Variants in GRIK3 observed in about 807,000 individuals in gnomAD.
GRIK3 encodes the protein glutamate ionotropic receptor kainate type subunit 3.
GRIK3 carries 29 observed loss-of-function variants against 102.5 expected under a neutral mutation model. The observed-to-expected ratio is 0.28, with a 90% confidence interval of 0.21 to 0.39. The LOEUF (loss-of-function observed/expected upper bound fraction) is 0.39. Ranked by LOEUF, GRIK3 falls within the 10% of genes least tolerant of loss-of-function variation. The pLI, the probability that GRIK3 is intolerant of heterozygous loss-of-function variation, is 1.00. For missense variants in GRIK3, 908 were observed against 1,252.4 expected (o/e 0.73, Z 4.15); for synonymous variants, 511 against 504.9 (o/e 1.01, Z -0.16).
chr1:37,004,714 G>A (rs1318798618), intron 1 of GRIK3, among the ~76,000 whole-genome samples: 1 of 152,246 alleles, frequency 6.6e-6, no homozygotes, highest in Non-Finnish European at 1.5e-5. Context: ...CAATGGAAGA[G>A]ATGGCACATG....
At chr1:36,861,609 T>C (rs1251492796) in intron 5 of GRIK3, among the ~76,000 whole-genome samples, 1 of 152,240 alleles carries the variant, frequency 6.6e-6, no homozygotes, top group Non-Finnish European at 1.5e-5. Flanking sequence ...CCTTTCATGC[T>C]GGACTGGCTT....
chr1:36,817,818 C>A (rs1642647806), intron 12 of GRIK3, among the ~76,000 whole-genome samples: 1 of 152,160 alleles, frequency 6.6e-6, no homozygotes, highest in Non-Finnish European at 1.5e-5. Flanking sequence ...CACATAAATA[C>A]TGTGGTGCTG....
chr1:36,880,573 G>C lies in GRIK3; in HGVS notation c.550+61C>G, dbSNP rs2124262737. 14 of 1,524,774 alleles carry C rather than the reference G, an allele frequency of 9.2e-6. No individual in the cohort carries two copies. Among genetic ancestry groups the C allele is most frequent in the Non-Finnish European group, 1.2e-5 (13 of 1,104,234 alleles). 94.5% of individuals were successfully genotyped at this position (1,524,774 alleles called of 1,614,324 possible). On this transcript the variant is annotated intron_variant, in intron 3 of 15. Coordinates refer to ENST00000373091, the MANE Select transcript of GRIK3 (RefSeq NM_000831.4). The surrounding 1 kb of genome is among the most constrained non-coding windows in gnomAD (Gnocchi z 5.4). Reference sequence around the variant, plus strand: ...GTGCTGAACAAACAGACAAGAGCTTGATCCTGGGCCTCTGCCCCCCTCAAC... The same window carrying C: ...GTGCTGAACAAACAGACAAGAGCTTCATCCTGGGCCTCTGCCCCCCTCAAC...
At chr1:36,803,268 A>G (rs1467268550) in intron 15 of GRIK3, among the ~76,000 whole-genome samples, 5 of 152,104 alleles carry the variant, frequency 3.3e-5, no homozygotes, top group Admixed American at 1.3e-4. Flanking sequence ...CAGCATGTGC[A>G]AAGGGCCTAA....
chr1:36,815,392 T>A (rs1642615606), intron 13 of GRIK3, among the ~76,000 whole-genome samples: 1 of 152,136 alleles, frequency 6.6e-6, no homozygotes, highest in Non-Finnish European at 1.5e-5. Flanking sequence ...CCCTTCCTTC[T>A]CTCTTCACTC....
intron 10 of GRIK3, among the ~76,000 whole-genome samples, chr1:36,839,707 C>A (rs1640424135): frequency 6.6e-6 from 1 of 152,112 alleles, no homozygotes. Context: ...GAAACTTGTC[C>A]AGGAATGCAC....
intron 7 of GRIK3, among the ~76,000 whole-genome samples, chr1:36,857,560 C>T (rs1055582667): frequency 2.0e-5 from 3 of 152,108 alleles, no homozygotes; most frequent in Non-Finnish European, 4.4e-5. Flanking sequence ...TGGAGTTTGC[C>T]GGGTGTGGAA....
chr1:36,964,322 C>A (rs1642057744), intron 1 of GRIK3, among the ~76,000 whole-genome samples: 1 of 152,184 alleles, frequency 6.6e-6, no homozygotes, highest in Non-Finnish European at 1.5e-5. Flanking sequence ...CCCCTGAGCC[C>A]CAGCCTGGCA....
chr1:36,941,917 T>TC (rs1317300805), intron 1 of GRIK3, among the ~76,000 whole-genome samples: 2 of 151,908 alleles, frequency 1.3e-5, no homozygotes, highest in Non-Finnish European at 1.5e-5. Context: ...AGGTAGCCTA[T>TC]CCCCCCCTCA....
chr1:37,007,684 C>T (rs1642547131), intron 1 of GRIK3, among the ~76,000 whole-genome samples: 2 of 152,188 alleles, frequency 1.3e-5, no homozygotes, highest in Admixed American at 6.5e-5. Flanking sequence ...AGGCGTTTTC[C>T]CAGCACTATC....
At chr1:36,989,375 A>AGAG (rs941209338) in intron 1 of GRIK3, among the ~76,000 whole-genome samples, 5 of 152,010 alleles carry the variant, frequency 3.3e-5, no homozygotes, top group East Asian at 1.9e-4. Flanking sequence ...TCCAGCTGGC[A>AGAG]GAGGAGGAGG....
chr1:36,961,113 C>A (rs1458277206), intron 1 of GRIK3, among the ~76,000 whole-genome samples: 1 of 152,220 alleles, frequency 6.6e-6, no homozygotes, highest in Non-Finnish European at 1.5e-5. Flanking sequence ...TGCAGACATC[C>A]GGTGATGCCT....
At chr1:37,019,094 C>T (rs1642683335) in intron 1 of GRIK3, among the ~76,000 whole-genome samples, 1 of 152,196 alleles carries the variant, frequency 6.6e-6, no homozygotes, top group African/African-American at 2.4e-5. Flanking sequence ...AATTTCCTCA[C>T]CAGAGGAGAC....
At chr1:36,934,684 G>T (rs12404577) in intron 1 of GRIK3, among the ~76,000 whole-genome samples, 3 of 152,160 alleles carry the variant, frequency 2.0e-5, no homozygotes, top group African/African-American at 7.2e-5. Context: ...CTGGGGCCTC[G>T]CTTATCCCTG....
intron 1 of GRIK3, among the ~76,000 whole-genome samples, chr1:36,943,728 T>C (rs931063288): frequency 1.3e-5 from 2 of 152,194 alleles, no homozygotes; most frequent in Non-Finnish European, 2.9e-5. Context: ...CATTCATTAA[T>C]TTATGGTCTA....
At chr1:36,956,549 C>T (rs957107042) in intron 1 of GRIK3, among the ~76,000 whole-genome samples, 1 of 152,146 alleles carries the variant, frequency 6.6e-6, no homozygotes, top group African/African-American at 2.4e-5. Context: ...GCCATGTCCA[C>T]CCCACACCAC....
intron 1 of GRIK3, among the ~76,000 whole-genome samples, chr1:36,960,036 TCTGTGTGCCCTGTGAGC>T (rs1283752836): frequency 1.7e-4 from 19 of 110,390 alleles, no homozygotes; most frequent in African/African-American, 5.8e-4. Flanking sequence ...GCCCCGCGAG[TCTGTGTGCCCTGTGAGC>T]CTGTGTGCCC....
chr1:36,882,581 G>A (rs572632850), intron 2 of GRIK3, among the ~76,000 whole-genome samples: 42 of 152,172 alleles, frequency 2.8e-4, no homozygotes, highest in African/African-American at 9.9e-4. Context: ...AATGCGGCTC[G>A]CACCCAGAAA....
chr1:36,881,066 C>T (rs550015589), intron 2 of GRIK3, among the ~76,000 whole-genome samples, 175 bp from the exon 3 acceptor site: 3 of 152,162 alleles, frequency 2.0e-5, no homozygotes, highest in East Asian at 3.9e-4. Flanking sequence ...GGGGTTCTAA[C>T]AGTCCCTGCC....
Sources: gnomAD v4.1 joint callset for allele counts (sites outside exome capture counted in the v4.1 genomes callset) on GRCh38, gnomAD v4.1.1 for gene constraint, Gnocchi (gnomAD v3.1) non-coding constraint, MANE v1.5 for transcripts, NCBI Gene and HGNC (gene_info 2026-07-23, HGNC 2026-07-21) for gene names.